Variants in SLC2A9 observed in about 807,000 individuals in gnomAD.
SLC2A9 encodes solute carrier family 2 member 9.
Under a neutral mutation model 50.6 loss-of-function variants are expected in SLC2A9, and 39 were observed. That is an observed-to-expected ratio of 0.77 (90% CI 0.60 to 1.01). SLC2A9 has a LOEUF of 1.01. Among genes scored for constraint, SLC2A9 ranks in the 50% least tolerant of loss-of-function variants. The pLI is 0.00. For synonymous variants in SLC2A9, 324 were observed against 276.9 expected, an observed-to-expected ratio of 1.17 and a Z score of -1.69; for missense variants, 686 against 677.6, an observed-to-expected ratio of 1.01 and a Z score of -0.14.
chr4:9,907,127 C>T (rs1392753532), intron 8 of SLC2A9, among the ~76,000 whole-genome samples: 1 of 152,250 alleles, frequency 6.6e-6, no homozygotes, highest in Non-Finnish European at 1.5e-5. Context: ...AAATGAACTA[C>T]TCCATCAAGG....
intron 3 of SLC2A9, among the ~76,000 whole-genome samples, chr4:9,815,433 C>G (rs1398647983): frequency 6.6e-6 from 1 of 152,200 alleles, no homozygotes; most frequent in African/African-American, 2.4e-5. Flanking sequence ...TTAAACTAGA[C>G]AGAAGTTTTG....
chr4:9,829,568 T>C (rs1725718657), intron 11 of SLC2A9, among the ~76,000 whole-genome samples: 1 of 151,300 alleles, frequency 6.6e-6, no homozygotes, highest in Non-Finnish European at 1.5e-5. Context: ...ACTATCATCA[T>C]AGTGAACATA....
chr4:9,856,859 A>G (rs1730806512), intron 10 of SLC2A9, among the ~76,000 whole-genome samples: 1 of 152,188 alleles, frequency 6.6e-6, no homozygotes, highest in Non-Finnish European at 1.5e-5. Flanking sequence ...CAACTAATAT[A>G]GAAACAGAAA....
At chr4:9,983,774 T>A (rs11723591) in intron 4 of SLC2A9, among the ~76,000 whole-genome samples, 64,724 of 152,120 alleles carry the variant, frequency 0.43, 14,901 homozygotes, top group South Asian at 0.54. Context: ...TAGCCAAGGC[T>A]AAAATGCAGT....
At chr4:10,003,786 C>T (rs996880322) in intron 2 of SLC2A9, among the ~76,000 whole-genome samples, 12 of 152,280 alleles carry the variant, frequency 7.9e-5, no homozygotes, top group East Asian at 1.9e-4. Flanking sequence ...AATAAGAATT[C>T]GTTTTGAGTT....
chr4:9,907,167 C>G (rs7694136), intron 8 of SLC2A9, among the ~76,000 whole-genome samples: 60,925 of 152,178 alleles, frequency 0.4, 14,227 homozygotes, highest in Non-Finnish European at 0.52. Context: ...AATTTTAGCC[C>G]TCTCTTTCCA....
At chr4:9,830,967 G>A (rs1726034131) in intron 11 of SLC2A9, among the ~76,000 whole-genome samples, 1 of 152,176 alleles carries the variant, frequency 6.6e-6, no homozygotes, top group East Asian at 1.9e-4. Context: ...CAGGCTTGGA[G>A]AGGAAACCCA....
chr4:9,990,697 T>G (rs1189327975), intron 3 of SLC2A9, among the ~76,000 whole-genome samples: 1 of 152,094 alleles, frequency 6.6e-6, no homozygotes, highest in Non-Finnish European at 1.5e-5. Flanking sequence ...AAGCCTCTTG[T>G]TTTGGATGTG....
chr4:9,951,079 T>C (rs1485362110), intron 5 of SLC2A9, among the ~76,000 whole-genome samples: 1 of 152,152 alleles, frequency 6.6e-6, no homozygotes, highest in Non-Finnish European at 1.5e-5. Context: ...AGTAAAGATA[T>C]GGAATCAACC....
exon 2 of SLC2A9, chr4:9,771,349 TG>T (rs1716788992): frequency 2.5e-6 from 1 of 394,050 alleles, no homozygotes; most frequent in African/African-American, 2.1e-5. Context: ...TCTGCAGGTC[TG>T]CCTTCTTGAC....
rs538568546 is a variant in SLC2A9 at position 9,968,539 on chromosome 4, TTTC to T, written c.681+12050_681+12052del. ...GTATAACTTGATTCTGTACTTAGCT[TTTC>T]TTCATGTGTCTACATTGTTCCATGT... On this transcript the variant is annotated intron_variant, in intron 5 of 11. Transcript: ENST00000264784. Among the ~76,000 whole-genome samples, 285 of 152,324 alleles carry T rather than the reference TTTC, an allele frequency of 1.9e-3. 1 individual carries two copies. Among genetic ancestry groups the T allele is most frequent in the Non-Finnish European group, 2.5e-3 (171 of 68,012 alleles).
At chr4:10,006,372 G>A (rs1412852565) in intron 2 of SLC2A9, 2 of 152,192 alleles carry the variant, frequency 1.3e-5, no homozygotes, top group African/African-American at 2.4e-5. Flanking sequence ...AAAATACACG[G>A]AAGTAACACT....
At chr4:9,822,134 C>A (rs1489782473), downstream of SLC2A9, among the ~76,000 whole-genome samples, 1 of 152,130 alleles carries the variant, frequency 6.6e-6, no homozygotes, top group Non-Finnish European at 1.5e-5. Context: ...CTCTTTTTCT[C>A]CCTCCATCTC....
At chr4:9,866,535 T>C (rs1339363951) in intron 10 of SLC2A9, among the ~76,000 whole-genome samples, 1 of 152,130 alleles carries the variant, frequency 6.6e-6, no homozygotes, top group Non-Finnish European at 1.5e-5. Flanking sequence ...CGTGCCTCCT[T>C]GTTCTTTCTA....
At chr4:9,974,666 T>C (rs1754483818) in intron 5 of SLC2A9, among the ~76,000 whole-genome samples, 1 of 152,090 alleles carries the variant, frequency 6.6e-6, no homozygotes, top group Non-Finnish European at 1.5e-5. Context: ...ATCATTAAAA[T>C]AGCAATACTG....
At chr4:9,836,735 C>CA (rs1175607724) in intron 10 of SLC2A9, among the ~76,000 whole-genome samples, 1 of 152,190 alleles carries the variant, frequency 6.6e-6, no homozygotes, top group African/African-American at 2.4e-5. Context: ...TCACAGAGGT[C>CA]ACTGCTCTTT....
intron 10 of SLC2A9, among the ~76,000 whole-genome samples, chr4:9,854,231 T>C (rs559110224): frequency 6.6e-6 from 1 of 152,106 alleles, no homozygotes; most frequent in African/African-American, 2.4e-5. Flanking sequence ...ATAAGACTGA[T>C]AGGCCACTAT....
chr4:9,891,272 ACTGTCACTGAC>A (rs1420984822), intron 8 of SLC2A9, among the ~76,000 whole-genome samples: 1 of 152,152 alleles, frequency 6.6e-6, no homozygotes, highest in Admixed American at 6.5e-5. Flanking sequence ...TCGGCCTAGG[ACTGTCACTGAC>A]CTCCATCTGG....
At chr4:9,924,381 C>T (rs888968956) in intron 6 of SLC2A9, among the ~76,000 whole-genome samples, 21 of 152,194 alleles carry the variant, frequency 1.4e-4, no homozygotes, top group Non-Finnish European at 2.8e-4. Flanking sequence ...GAGCAGCCCT[C>T]GGTTAAGACA....
Sources: allele counts gnomAD v4.1 joint callset (sites outside exome capture counted in the v4.1 genomes callset), GRCh38; gene constraint gnomAD v4.1.1; transcripts MANE v1.5; gene names NCBI Gene and HGNC (gene_info 2026-07-23, HGNC 2026-07-21).